Variants in SLC24A3 observed in about 807,000 individuals in gnomAD.
SLC24A3 encodes the protein sodium/potassium/calcium exchanger 3.
Under a neutral mutation model 75.8 loss-of-function variants are expected in SLC24A3, and 28 were observed. The ratio of observed to expected loss-of-function variants is 0.37; its 90% CI spans 0.27 to 0.51. The LOEUF (loss-of-function observed/expected upper bound fraction) is 0.51. SLC24A3 is among the 20% of genes least tolerant of loss of function. The pLI is 0.94. For synonymous variants in SLC24A3, 372 were observed against 334.1 expected, an observed-to-expected ratio of 1.11 and a Z score of -1.24; for missense variants, 663 against 847.8, an observed-to-expected ratio of 0.78 and a Z score of 2.71.
intron 2 of SLC24A3, among the ~76,000 whole-genome samples, chr20:19,497,697 C>A (rs145260506): frequency 6.6e-5 from 10 of 152,250 alleles, no homozygotes; most frequent in Non-Finnish European, 1.3e-4. Flanking sequence ...GATCTTCTTA[C>A]TTTGTGAACT....
chr20:19,626,168 T>A (rs193099578), intron 6 of SLC24A3, among the ~76,000 whole-genome samples: 3 of 152,324 alleles, frequency 2.0e-5, no homozygotes, highest in Non-Finnish European at 4.4e-5. Context: ...AGAATTCAGA[T>A]AGAAAGGAAA....
At chr20:19,529,082 T>C (rs890796313) in intron 3 of SLC24A3, among the ~76,000 whole-genome samples, 5 of 152,188 alleles carry the variant, frequency 3.3e-5, no homozygotes, top group Non-Finnish European at 5.9e-5. Flanking sequence ...TAAAATACAA[T>C]AGGCACTAAT....
chr20:19,386,332 A>G (rs1035792682), intron 2 of SLC24A3, among the ~76,000 whole-genome samples: 1 of 152,140 alleles, frequency 6.6e-6, no homozygotes, highest in Non-Finnish European at 1.5e-5. Context: ...TAGTGTTTAG[A>G]GTTTTCTGTA....
chr20:19,619,023 C>A (rs959168834), intron 6 of SLC24A3, among the ~76,000 whole-genome samples: 1 of 152,166 alleles, frequency 6.6e-6, no homozygotes, highest in Non-Finnish European at 1.5e-5. Flanking sequence ...CTTTGCTCCC[C>A]GAGTGCCCCA....
chr20:19,519,275 A>G (rs1236977175), intron 3 of SLC24A3, among the ~76,000 whole-genome samples: 1 of 152,070 alleles, frequency 6.6e-6, no homozygotes, highest in Non-Finnish European at 1.5e-5. Flanking sequence ...GATGGTTCTG[A>G]CCCCTTGATA....
At chr20:19,595,441 A>G (rs1020774970) in intron 6 of SLC24A3, among the ~76,000 whole-genome samples, 3 of 152,306 alleles carry the variant, frequency 2.0e-5, no homozygotes, top group Non-Finnish European at 4.4e-5. Flanking sequence ...AGCTGGCACA[A>G]ACGTGCTCAG....
chr20:19,473,102 T>C (rs1332342328), intron 2 of SLC24A3, among the ~76,000 whole-genome samples: 1 of 152,188 alleles, frequency 6.6e-6, no homozygotes, highest in African/African-American at 2.4e-5. Flanking sequence ...TCTCCCCTCC[T>C]TCCTGAACCC....
At chr20:19,541,190 C>G (rs147458119) in intron 3 of SLC24A3, among the ~76,000 whole-genome samples, 260 of 152,172 alleles carry the variant, frequency 1.7e-3, no homozygotes, top group Non-Finnish European at 3.1e-3. Context: ...CATGTGGAAA[C>G]CTTTCAGGCA....
chr20:19,447,035 G>A (rs1987398985), intron 2 of SLC24A3, among the ~76,000 whole-genome samples: 2 of 152,122 alleles, frequency 1.3e-5, no homozygotes, highest in Admixed American at 1.3e-4. Context: ...CTGGAGCAAT[G>A]AGCAGAAAGT....
chr20:19,313,878 G>GT, intron 2 of SLC24A3, among the ~76,000 whole-genome samples: 1 of 152,198 alleles, frequency 6.6e-6, no homozygotes, highest in Non-Finnish European at 1.5e-5. Context: ...TTAGAAACTT[G>GT]TTTTGCTGCT....
intron 2 of SLC24A3, among the ~76,000 whole-genome samples, chr20:19,405,392 T>G (rs1316400659): frequency 6.6e-6 from 1 of 152,180 alleles, no homozygotes; most frequent in African/African-American, 2.4e-5. Flanking sequence ...TAAAAGTTAC[T>G]GTTAGGAAAA....
chr20:19,240,948 G>A (rs1394267222), intron 1 of SLC24A3, among the ~76,000 whole-genome samples: 4 of 152,176 alleles, frequency 2.6e-5, no homozygotes, highest in Non-Finnish European at 4.4e-5. Flanking sequence ...GTGCATGGCC[G>A]GCAAGGGTAT....
intron 2 of SLC24A3, among the ~76,000 whole-genome samples, chr20:19,468,375 G>C (rs112110112): frequency 1.2e-4 from 18 of 152,060 alleles, no homozygotes; most frequent in African/African-American, 3.9e-4. Flanking sequence ...AAGCCAAGGG[G>C]GTACAGGCCT....
At chr20:19,255,624 C>T (rs573552990) in intron 1 of SLC24A3, among the ~76,000 whole-genome samples, 3 of 152,240 alleles carry the variant, frequency 2.0e-5, no homozygotes, top group African/African-American at 7.2e-5. Flanking sequence ...CTTCCAATGC[C>T]ATACTTAGTT....
chr20:19,564,534 T>C (rs946792414), intron 3 of SLC24A3, among the ~76,000 whole-genome samples: 2 of 152,154 alleles, frequency 1.3e-5, no homozygotes, highest in African/African-American at 4.8e-5. Flanking sequence ...ACCTCATTCA[T>C]TATCACCATC....
chr20:19,314,244 T>A (rs1984526362), intron 2 of SLC24A3, among the ~76,000 whole-genome samples: 1 of 152,066 alleles, frequency 6.6e-6, no homozygotes, highest in Non-Finnish European at 1.5e-5. Flanking sequence ...GATACCTAGT[T>A]CTATTCCAAA....
rs143609024 is a variant in SLC24A3 at position 19,689,157 on chromosome 20, A to G, written c.1324+3796A>G. 1.7e-3 allele frequency among the ~76,000 whole-genome samples: 264 copies of G among 152,330 alleles called. 2 individuals are homozygous for G. Among genetic ancestry groups the G allele is most frequent in the African/African-American group, 6.2e-3 (256 of 41,568 alleles). On this transcript the variant is annotated intron_variant, in intron 12 of 16. Transcript: ENST00000328041. ...AAACTAGAAGGAAATACACCAAAAT[A>G]TAAGTAGGTTTTTCCAAAGCAAAAT...
At chr20:19,577,345 G>A (rs186263975) in intron 3 of SLC24A3, among the ~76,000 whole-genome samples, 106 of 152,250 alleles carry the variant, frequency 7.0e-4, no homozygotes, top group African/African-American at 2.2e-3. Flanking sequence ...ATGAGCCACC[G>A]TGCCCGTTAA....
intron 2 of SLC24A3, among the ~76,000 whole-genome samples, chr20:19,478,796 T>G (rs1289318443): frequency 6.6e-6 from 1 of 152,218 alleles, no homozygotes; most frequent in Non-Finnish European, 1.5e-5. Flanking sequence ...GATGAGGAAC[T>G]GCAAACCAAG....
Sources: gnomAD v4.1 joint callset for allele counts (sites outside exome capture counted in the v4.1 genomes callset) on GRCh38, gnomAD v4.1.1 for gene constraint, MANE v1.5 for transcripts, NCBI Gene and HGNC (gene_info 2026-07-23, HGNC 2026-07-21) for gene names.